Variants in TJP1 observed in about 807,000 individuals in gnomAD.
TJP1 encodes the protein tight junction protein 1, also known as tight junction protein ZO-1.
TJP1 carries 43 observed loss-of-function variants against 194.2 expected under a neutral mutation model. The observed-to-expected ratio is 0.22, with a 90% CI of 0.17 to 0.29. The LOEUF (loss-of-function observed/expected upper bound fraction) is 0.29. Among genes scored for constraint, TJP1 ranks in the 10% least tolerant of loss-of-function variants. The pLI, the probability that TJP1 is intolerant of heterozygous loss-of-function variation, is 1.00. For missense variants in TJP1, 1,971 were observed against 2,185.7 expected, an observed-to-expected ratio of 0.90 and a Z score of 1.96; for synonymous variants, 801 against 779.0, an observed-to-expected ratio of 1.03 and a Z score of -0.47.
intron 2 of TJP1, among the ~76,000 whole-genome samples, chr15:29,902,139 C>T (rs1309797230): frequency 6.6e-6 from 1 of 152,072 alleles, no homozygotes; most frequent in Non-Finnish European, 1.5e-5. Flanking sequence ...ATATTTTATT[C>T]TTTAATTTGA....
At chr15:29,896,201 T>C (rs906494854) in intron 2 of TJP1, among the ~76,000 whole-genome samples, 2 of 152,214 alleles carry the variant, frequency 1.3e-5, no homozygotes, top group African/African-American at 4.8e-5. Flanking sequence ...CCATGTGTCA[T>C]AGGAGGAACC....
Position 29,708,686 on chromosome 15 carries a change from C to G in TJP1, c.4723G>C (p.Val1575Leu). ...SKTPTSPKTL[V>L]KSHSLAQPPE... is the part of the protein sequence containing the mutation. ...GGCTGTGCCAAACTGTGCGATTTCA[C>G]AAGAGTTTTTGGAGAAGTGGGAGTT... The change falls in exon 25 of 28, where the codon GTG becomes CTG. Residue 1575 changes from valine (V) to leucine (L), a missense_variant. By Grantham distance (32) the Val-to-Leu change is conservative. Around this residue, in one of 5 missense-constraint regions of TJP1, gnomAD observed 1,108 missense variants for 1,128.5 expected, o/e 0.98. Coordinates refer to ENST00000614355, the MANE Select transcript of TJP1 (RefSeq NM_001330239.4). 1 of 1,614,218 alleles carries G rather than the reference C, an allele frequency of 6.2e-7. No individual in the cohort carries two copies.
At chr15:29,704,052 G>A in intron 27 of TJP1, 110 bp downstream of exon 27, 1 of 1,208,714 alleles carries the variant, frequency 8.3e-7, no homozygotes, top group South Asian at 1.6e-5. Context: ...CAAGGCCACA[G>A]GAACAGAGAT....
intron 2 of TJP1, among the ~76,000 whole-genome samples, chr15:29,784,796 A>T (rs1229290179): frequency 1.3e-5 from 2 of 152,240 alleles, no homozygotes; most frequent in Non-Finnish European, 2.9e-5. Context: ...GTACTTATTT[A>T]TAACACCAAG....
chr15:29,737,573 T>C (rs1403434993), intron 10 of TJP1, among the ~76,000 whole-genome samples, 159 bp from the exon 11 acceptor site: 2 of 152,346 alleles, frequency 1.3e-5, no homozygotes, highest in East Asian at 3.9e-4. Flanking sequence ...GTGTTAGAAT[T>C]CAAATCAGAC....
At chr15:29,751,394 T>A (rs2045269087) in intron 8 of TJP1, among the ~76,000 whole-genome samples, 1 of 152,230 alleles carries the variant, frequency 6.6e-6, no homozygotes, top group Non-Finnish European at 1.5e-5. Context: ...GATATTGTTT[T>A]TAGGCAATAA....
intron 2 of TJP1, among the ~76,000 whole-genome samples, chr15:29,841,109 A>G (rs1173110981): frequency 6.6e-6 from 1 of 152,178 alleles, no homozygotes; most frequent in Non-Finnish European, 1.5e-5. Context: ...AGAACTCACA[A>G]GAAGGTGGAA....
At chr15:29,901,158 G>A (rs766262167) in intron 2 of TJP1, among the ~76,000 whole-genome samples, 7 of 152,162 alleles carry the variant, frequency 4.6e-5, no homozygotes, top group Non-Finnish European at 1.0e-4. Context: ...TTGACGGAAC[G>A]CTTACCCGCT....
At chr15:29,948,487 A>G (rs759944178) in intron 2 of TJP1, among the ~76,000 whole-genome samples, 1 of 152,228 alleles carries the variant, frequency 6.6e-6, no homozygotes, top group African/African-American at 2.4e-5. Context: ...AGCCTGGTCC[A>G]GCATAAGGTC....
At chr15:29,929,973 A>G (rs909788804) in intron 2 of TJP1, among the ~76,000 whole-genome samples, 3 of 152,186 alleles carry the variant, frequency 2.0e-5, no homozygotes, top group Non-Finnish European at 2.9e-5. Context: ...AATACAACTG[A>G]AAATTTAGGG....
At chr15:29,916,917 T>G (rs1467473266) in intron 2 of TJP1, among the ~76,000 whole-genome samples, 1 of 152,238 alleles carries the variant, frequency 6.6e-6, no homozygotes, top group South Asian at 2.1e-4. Flanking sequence ...AATCCACTCT[T>G]CCACCTGCCA....
chr15:29,878,043 T>TTTTGTTTG (rs143647950), intron 2 of TJP1, among the ~76,000 whole-genome samples: 27 of 151,138 alleles, frequency 1.8e-4, no homozygotes, highest in African/African-American at 2.9e-4. Flanking sequence ...AAAGTATAGT[T>TTTTGTTTG]TTTGTTTGTT....
chr15:29,815,761 T>G (rs2049868042), intron 1 of TJP1, among the ~76,000 whole-genome samples: 1 of 152,244 alleles, frequency 6.6e-6, no homozygotes, highest in Non-Finnish European at 1.5e-5. Context: ...AGCAGCATGG[T>G]GATCTATCAT....
chr15:29,715,200 T>C (rs756942304), intron 23 of TJP1, among the ~76,000 whole-genome samples: 2 of 152,114 alleles, frequency 1.3e-5, no homozygotes, highest in Non-Finnish European at 2.9e-5. Flanking sequence ...TGTGTGGGTT[T>C]ATATTGTGCT....
upstream of TJP1, among the ~76,000 whole-genome samples, chr15:29,824,313 G>C (rs2050611026): frequency 6.6e-6 from 1 of 151,172 alleles, no homozygotes; most frequent in African/African-American, 2.4e-5. Context: ...CATGGTGACA[G>C]ACGCCAGTAA....
chr15:29,827,381 C>T (rs2050709721), upstream of TJP1, among the ~76,000 whole-genome samples: 1 of 152,180 alleles, frequency 6.6e-6, no homozygotes, highest in Non-Finnish European at 1.5e-5. Context: ...GGCCCTCTGA[C>T]CGTCTGTACT....
Position 29,822,211 on chromosome 15 carries a change from C to T in TJP1, c.-183G>A. The T allele has an allele frequency of 1.7e-6, 2 of 1,174,836 alleles. No homozygotes were observed. The highest frequency in any genetic ancestry group is 1.1e-6 in the Non-Finnish European group (1 of 951,062). 72.8% of individuals were successfully genotyped at this position (1,174,836 alleles called of 1,614,324 possible). A position where few individuals can be genotyped will look rare whatever the true frequency, so the allele number is the denominator to read the frequency against. ...TCAACTCGGACAAAAGTCCGGGAAG[C>T]GCCCGCCCCGCCCGGGTCTTCTCCA... On this transcript the variant is annotated 5_prime_UTR_variant, in exon 1 of 28. Transcript: ENST00000614355.
At chr15:29,821,051 C>G (rs1378245032) in intron 1 of TJP1, among the ~76,000 whole-genome samples, 1 of 152,170 alleles carries the variant, frequency 6.6e-6, no homozygotes, top group Admixed American at 6.5e-5. Context: ...AATTGATATT[C>G]TTTAAAGGGG....
At chr15:29,870,921 C>T (rs529506733) in intron 2 of TJP1, among the ~76,000 whole-genome samples, 3 of 152,248 alleles carry the variant, frequency 2.0e-5, no homozygotes, top group Admixed American at 1.3e-4. Flanking sequence ...GAGAGGAAAC[C>T]GAGGCCGAGC....
Sources: gnomAD v4.1 joint callset for allele counts (sites outside exome capture counted in the v4.1 genomes callset) on GRCh38, gnomAD v4.1.1 for gene constraint, gnomAD v4.1.1 regional missense constraint, MANE v1.5 for transcripts, NCBI Gene and HGNC (gene_info 2026-07-23, HGNC 2026-07-21) for gene names.